The following WTIP variants were observed in gnomAD, a reference collection of about 807,000 sequenced individuals.
The protein encoded by WTIP is WT1 interacting protein.
A neutral mutation model predicts 41.7 loss-of-function variants in WTIP; 23 were observed. The ratio of observed to expected loss-of-function variants is 0.55; its 90% confidence interval spans 0.40 to 0.78. The LOEUF (loss-of-function observed/expected upper bound fraction) is 0.78. WTIP is among the 30% of genes least tolerant of loss of function. The pLI is 0.00. For missense variants in WTIP, 619 were observed against 610.5 expected, an observed-to-expected ratio of 1.01 and a Z score of -0.15; for synonymous variants, 314 against 269.9, an observed-to-expected ratio of 1.16 and a Z score of -1.60.
intron 6 of WTIP, 105 bp downstream of exon 6, chr19:34,494,742 G>A (rs1328147185): frequency 5.9e-6 from 7 of 1,186,708 alleles, no homozygotes; most frequent in African/African-American, 1.5e-5. Flanking sequence ...GGAGGGATGA[G>A]CAGGTGCTTC....
chr19:34,482,264 A>G lies in WTIP; in HGVS notation c.290A>G (p.Asp97Gly). Residue 97 changes from aspartate to glycine, a missense_variant, in exon 1 of 8, where the codon GAC becomes GGC. Coordinates refer to ENST00000590071, the MANE Select transcript of WTIP (RefSeq NM_001080436.2). ...CCACGGGCCAGCCTGGCGGGGTCCG[A>G]CGGCGGCGGCGGTGGCGGCAGCGCC... is the stretch of plus-strand genomic sequence containing the variant. ...GSPRASLAGS[D>G]GGGGGGSARS... The G allele has an allele frequency of 7.7e-7, 1 of 1,292,440 alleles. No individual in the cohort carries two copies. The highest frequency in any genetic ancestry group is 9.9e-7 in the Non-Finnish European group (1 of 1,013,200). The allele number at this position is 1,292,440 out of a possible 1,614,324, so 80.1% of individuals were successfully genotyped here. A position where few individuals can be genotyped will look rare whatever the true frequency, so the allele number is the denominator to read the frequency against.
Position 34,493,841 on chromosome 19 carries a change from C to T in WTIP, c.1031+219C>T, listed in dbSNP as rs540163401. 1.8e-4 allele frequency among the ~76,000 whole-genome samples: 27 copies of T among 152,158 alleles called. No individual in the cohort carries two copies. The highest frequency in any genetic ancestry group is 5.3e-4 in the African/African-American group (22 of 41,526). ...TGTCTTTTGCCTCTTCTCTCCCTAT[C>T]GTGGCCTGCATGCTTCTCTACTCCT... On this transcript the variant is annotated intron_variant, in intron 5 of 7. Transcript: ENST00000590071. The surrounding 1 kb of genome is among the most constrained non-coding windows in gnomAD (Gnocchi z 4.1).
intron 1 of WTIP, among the ~76,000 whole-genome samples, chr19:34,483,071 C>G (rs563452803): frequency 6.7e-6 from 1 of 148,260 alleles, no homozygotes. Context: ...GCGGCGCGTC[C>G]TCGGCTTACT....
chr19:34,482,517 G>A lies in WTIP; in HGVS notation c.543G>A (p.Pro181=), dbSNP rs1197094795. The A allele has an allele frequency of 1.6e-6, 2 of 1,229,944 alleles. No individual in the cohort carries two copies. The highest frequency in any genetic ancestry group is 2.0e-6 in the Non-Finnish European group (2 of 988,050). 76.2% of individuals were successfully genotyped at this position (1,229,944 alleles called of 1,614,324 possible). ...AGCCTGCGGGGCCGGCTCCCTTCCC[G>A]CTGCCTGCACTCCCGCTGCCCCCTG... is the stretch of plus-strand genomic sequence containing the variant. ...SPEPAGPAPF[P]LPALPLPPGR... is the part of the protein sequence containing the mutation. Residue 181 remains proline, a synonymous_variant, in exon 1 of 8, where the codon CCG becomes CCA. Coordinates refer to ENST00000590071, the MANE Select transcript of WTIP (RefSeq NM_001080436.2).
chr19:34,499,261 A>G (rs951614831), intron 7 of WTIP, among the ~76,000 whole-genome samples: 3 of 151,974 alleles, frequency 2.0e-5, no homozygotes, highest in African/African-American at 7.3e-5. Flanking sequence ...CTGTAATCCC[A>G]GCATTTTGGG....
At chr19:34,497,009 C>T (rs1346868924) in intron 7 of WTIP, among the ~76,000 whole-genome samples, 1 of 152,258 alleles carries the variant, frequency 6.6e-6, no homozygotes, top group Non-Finnish European at 1.5e-5. Context: ...ACTACAGGCA[C>T]CCACCACCAC....
rs1849453574 is a variant in WTIP, at chr19:34,501,186, C to T, written c.*917C>T. 6.6e-6 allele frequency: 1 copy of T among 152,632 alleles called. No individual in the cohort carries two copies. Among genetic ancestry groups the T allele is most frequent in the Non-Finnish European group, 1.5e-5 (1 of 68,036 alleles). The allele number at this position is 152,632 out of a possible 1,614,324, so 9.5% of individuals were successfully genotyped here. ...TTTTCTTCTAAGATCTTGGACCAGC[C>T]TTGTTATTTTTAAAGCAAATGCCGG... is the stretch of plus-strand genomic sequence containing the variant. On this transcript the variant is annotated 3_prime_UTR_variant, in exon 8 of 8. Coordinates refer to ENST00000590071, the MANE Select transcript of WTIP (RefSeq NM_001080436.2).
At chr19:34,484,566 GCTGA>G (rs1223166985) in intron 1 of WTIP, among the ~76,000 whole-genome samples, 1 of 152,160 alleles carries the variant, frequency 6.6e-6, no homozygotes, top group Non-Finnish European at 1.5e-5. Context: ...AGAGGCTGGG[GCTGA>G]GTTTTGAAGG....
chr19:34,501,751 G>A lies in WTIP; in HGVS notation c.*1482G>A, dbSNP rs1425880781. The A allele has an allele frequency of 6.6e-6, 1 of 152,440 alleles. No homozygotes were observed. The highest frequency in any genetic ancestry group is 2.4e-5 in the African/African-American group (1 of 41,464). 9.4% of individuals were successfully genotyped at this position (152,440 alleles called of 1,614,324 possible). The stretch of plus-strand genomic sequence containing the variant: ...TGGCGCGGGCGCCACCTGGTGGGCT[G>A]AGCCGGCAAGTACAGGGGTGGTCAG... On this transcript the variant is annotated 3_prime_UTR_variant, in exon 8 of 8. Transcript: ENST00000590071.
intron 1 of WTIP, among the ~76,000 whole-genome samples, chr19:34,484,022 G>T (rs2145590839): frequency 6.8e-6 from 1 of 146,854 alleles, no homozygotes; most frequent in Non-Finnish European, 1.5e-5. Context: ...CGACTCCCTG[G>T]TTCAAGCGAT....
Position 34,504,472 on chromosome 19 carries a change from T to C in WTIP, c.*4203T>C, listed in dbSNP as rs12973037. 0.46 allele frequency: 66,608 copies of C among 144,210 alleles called. 15,490 individuals carry two copies. Among genetic ancestry groups the C allele is most frequent in the African/African-American group, 0.6 (24,265 of 40,210 alleles). 8.9% of individuals were successfully genotyped at this position (144,210 alleles called of 1,614,324 possible). Reference sequence around the variant, plus strand: ...GATGGCCTCTTGGAGGGTCCTGGGGTGGGTGGGTCTTGGGCATGGGGTGCC... The same window carrying C: ...GATGGCCTCTTGGAGGGTCCTGGGGCGGGTGGGTCTTGGGCATGGGGTGCC... On this transcript the variant is annotated 3_prime_UTR_variant, in exon 8 of 8. Transcript: ENST00000590071.
intron 7 of WTIP, among the ~76,000 whole-genome samples, chr19:34,497,908 G>A (rs140779827): frequency 4.6e-5 from 7 of 152,338 alleles, no homozygotes; most frequent in East Asian, 1.9e-4. Flanking sequence ...GTCCAGTACC[G>A]AGGGCAGCAA....
In WTIP at chr19:34,503,846, T is replaced by G. The variant is rs900087189; in HGVS notation, c.*3577T>G. On this transcript the variant is annotated 3_prime_UTR_variant, in exon 8 of 8. Coordinates refer to ENST00000590071, the MANE Select transcript of WTIP (RefSeq NM_001080436.2). Reference sequence around the variant, plus strand: ...TCCAGCCTGGTTGCCTAGTGAAGGATCCACAGTGGGTACATAAAGGGCCAA... The same window carrying G: ...TCCAGCCTGGTTGCCTAGTGAAGGAGCCACAGTGGGTACATAAAGGGCCAA... 6.6e-6 allele frequency: 1 copy of G among 152,318 alleles called. No homozygotes were observed. The highest frequency in any genetic ancestry group is 1.5e-5 in the Non-Finnish European group (1 of 68,188). The allele number at this position is 152,318 out of a possible 1,614,324, so 9.4% of individuals were successfully genotyped here.
chr19:34,499,169 C>T (rs1402065237), intron 7 of WTIP, among the ~76,000 whole-genome samples: 1 of 151,514 alleles, frequency 6.6e-6, no homozygotes, highest in African/African-American at 2.4e-5. Context: ...GAGCTGAGAT[C>T]GCACCACTGC....
rs2075925719 is a variant in WTIP at position 34,509,529 on chromosome 19, T to C, written c.*9260T>C. 1 of 152,118 alleles carries C rather than the reference T, an allele frequency of 6.6e-6. No individual in the cohort carries two copies. The highest frequency in any genetic ancestry group is 1.5e-5 in the Non-Finnish European group (1 of 68,016). The allele number at this position is 152,118 out of a possible 1,614,324, so 9.4% of individuals were successfully genotyped here. On this transcript the variant is annotated 3_prime_UTR_variant, in exon 8 of 8. Transcript: ENST00000590071. Reference sequence around the variant, plus strand: ...AAGGGAGTACAGTTCAAGATGAGATTTGGGTGGAGACACAGAGCCAAACGA... The same window carrying C: ...AAGGGAGTACAGTTCAAGATGAGATCTGGGTGGAGACACAGAGCCAAACGA...
At position 34,495,709 on chromosome 19, in the gene WTIP, G is replaced by A. The variant is rs375329023; in HGVS notation, c.1090G>A (p.Glu364Lys). 13 of 1,613,784 alleles carry A rather than the reference G, an allele frequency of 8.1e-6. No individual in the cohort carries two copies. Among genetic ancestry groups the A allele is most frequent in the Middle Eastern group, 3.3e-4 (2 of 6,084 alleles). Residue 364 changes from glutamate to lysine, a missense_variant, in exon 7 of 8, where the codon GAG becomes AAG. Physicochemically the swap from Glu to Lys is moderately conservative, Grantham distance 56. This residue lies in a region of WTIP where 164 missense variants were observed against 219.1 expected (regional missense o/e 0.75). Coordinates refer to ENST00000590071, the MANE Select transcript of WTIP (RefSeq NM_001080436.2). ...ACTCCTTCTCTTCCTCCAGGGCTGC[G>A]AGACAACCATCCGTGTGGTGTCCAT... Reference protein sequence around the residue: ...ARPILPAQGCETTIRVVSMDR... With the variant: ...ARPILPAQGCKTTIRVVSMDR...
At chr19:34,495,671 T>G in intron 6 of WTIP, 32 bp from the exon 7 acceptor site, 1 of 1,612,668 alleles carries the variant, frequency 6.2e-7, no homozygotes, top group African/African-American at 1.3e-5. Flanking sequence ...CCCCACATGC[T>G]CATCGTGTGT....
Position 34,493,239 on chromosome 19 carries a change from C to T in WTIP, c.838-24C>T, listed in dbSNP as rs374622399. 3.7e-6 allele frequency: 6 copies of T among 1,613,460 alleles called. No homozygotes were observed. The highest frequency in any genetic ancestry group is 1.7e-5 in the Admixed American group (1 of 59,944). ...CGAGTGCCCCTTTGTCACACAATGT[C>T]CTGGATCCTGTGTCCCCTCCCAGTA... On this transcript the variant is annotated intron_variant, in intron 3 of 7. Coordinates refer to ENST00000590071, the MANE Select transcript of WTIP (RefSeq NM_001080436.2). This position sits in a 1 kb window ranked among gnomAD's most constrained non-coding sequence, Gnocchi z 4.1.
intron 1 of WTIP, among the ~76,000 whole-genome samples, chr19:34,486,671 T>C (rs2075799319): frequency 6.6e-6 from 1 of 151,690 alleles, no homozygotes; most frequent in Non-Finnish European, 1.5e-5. Flanking sequence ...TGGCCGCCTT[T>C]GTCAGTTTCC....
Sources: allele counts gnomAD v4.1 joint callset (sites outside exome capture counted in the v4.1 genomes callset), GRCh38; gene constraint gnomAD v4.1.1; regional missense constraint gnomAD v4.1.1; non-coding constraint Gnocchi (gnomAD v3.1); transcripts MANE v1.5; gene names NCBI Gene and HGNC (gene_info 2026-07-23, HGNC 2026-07-21).